Variants in IL3 observed in about 807,000 individuals in gnomAD.
IL3 encodes the protein interleukin 3, also known as interleukin-3.
A neutral mutation model predicts 15.4 loss-of-function variants in IL3; 15 were observed. The observed-to-expected ratio is 0.97, with a 90% CI of 0.65 to 1.50. The LOEUF is 1.50. Among genes scored for constraint, IL3 ranks in the 40% most tolerant of loss-of-function variants. The pLI, the probability that IL3 is intolerant of heterozygous loss-of-function variation, is 0.00. For missense variants in IL3, 162 were observed against 192.2 expected, an observed-to-expected ratio of 0.84 and a Z score of 0.93; for synonymous variants, 74 against 79.3, an observed-to-expected ratio of 0.93 and a Z score of 0.36.
At chr5:132,061,140 T>C in intron 2 of IL3, 132 bp downstream of exon 2, 3 of 779,478 alleles carry the variant, frequency 3.8e-6, no homozygotes, top group Non-Finnish European at 4.2e-6. Context: ...GTGGGATTGT[T>C]ATGACAATCA....
Position 132,061,799 on chromosome 5 carries a change from C to T in IL3, c.205-513C>T, listed in dbSNP as rs1462321164. ...TTTTTTTTTTTTGAGACAAGAGTCT[C>T]ACTCTGTTGCCCAGGCTGGAGTGCA... On this transcript the variant is annotated intron_variant, in intron 2 of 4. Coordinates refer to ENST00000296870, the MANE Select transcript of IL3 (RefSeq NM_000588.4). Among the ~76,000 whole-genome samples, 6 of 142,428 alleles carry T rather than the reference C, an allele frequency of 4.2e-5. No homozygotes were observed. In the East Asian group the frequency reaches 1.3e-3, roughly 30 times the overall value. The allele number at this position is 142,428 out of a possible 152,430, so 93.4% of individuals were successfully genotyped here.
Position 132,062,555 on chromosome 5 carries a change from G to A in IL3, c.324G>A (p.Thr108=), listed in dbSNP as rs146898761. ...KNLLPCLPLA[T]AAPTRHPIHI... Reference sequence around the variant, plus strand: ...TCCTGCCATGTCTGCCCCTGGCCACGGCCGCACCCACGGTAAGCTGTCCCC... The same window carrying A: ...TCCTGCCATGTCTGCCCCTGGCCACAGCCGCACCCACGGTAAGCTGTCCCC... The change falls in exon 4 of 5, where the codon ACG becomes ACA. Residue 108 remains threonine, a synonymous_variant. Coordinates refer to ENST00000296870, the MANE Select transcript of IL3 (RefSeq NM_000588.4). The A allele has an allele frequency of 1.0e-4, 161 of 1,614,064 alleles. No individual in the cohort carries two copies. In the African/African-American group the frequency reaches 1.5e-3, roughly 15 times the overall value.
rs565642188 is a variant in IL3, at chr5:132,060,783, C to T, written c.77C>T (p.Thr26Met). The T allele has an allele frequency of 1.9e-5, 30 of 1,614,210 alleles. No homozygotes were observed. The highest frequency in any genetic ancestry group is 5.5e-5 in the South Asian group (5 of 91,084). The change falls in exon 1 of 5, where the codon ACG becomes ATG. Residue 26 changes from threonine (T) to methionine (M), a missense_variant. Coordinates refer to ENST00000296870, the MANE Select transcript of IL3 (RefSeq NM_000588.4). Reference protein sequence around the residue: ...PGLQAPMTQTTPLKTSWVNCS... With the variant: ...PGLQAPMTQTMPLKTSWVNCS... ...CTCCAAGCTCCCATGACCCAGACAA[C>T]GCCCTTGAAGACAAGCTGGGTTAAC...
At position 132,062,324 on chromosome 5, in the gene IL3, C is replaced by A; in HGVS notation, c.217C>A (p.Arg73=). The part of the protein sequence containing the change: ...DQDILMENNL[R]RPNLEAFNRA... ...TCTGCCCCGTTAGGAAAATAACCTT[C>A]GAAGGCCAAACCTGGAGGCATTCAA... Residue 73 remains arginine (R), a synonymous_variant, in exon 3 of 5, where the codon CGA becomes AGA. Coordinates refer to ENST00000296870, the MANE Select transcript of IL3 (RefSeq NM_000588.4). The A allele has an allele frequency of 6.2e-7, 1 of 1,613,590 alleles. No homozygotes were observed. The highest frequency in any genetic ancestry group is 8.5e-7 in the Non-Finnish European group (1 of 1,179,446).
In IL3 at chr5:132,062,922, C is replaced by A. The variant is rs565107713; in HGVS notation, c.*131C>A. On this transcript the variant is annotated 3_prime_UTR_variant, in exon 5 of 5. Transcript: ENST00000296870. Reference sequence around the variant, plus strand: ...ACCAGAAGCATTTCACCTTTTCCTGCGGCATCAGATGAATTGTTAATTATC... The same window carrying A: ...ACCAGAAGCATTTCACCTTTTCCTGAGGCATCAGATGAATTGTTAATTATC... 2 of 1,224,564 alleles carry A rather than the reference C, an allele frequency of 1.6e-6. No homozygotes were observed. The highest frequency in any genetic ancestry group is 1.1e-6 in the Non-Finnish European group (1 of 898,048). The allele number at this position is 1,224,564 out of a possible 1,614,324, so 75.9% of individuals were successfully genotyped here. A position where few individuals can be genotyped will look rare whatever the true frequency, so the allele number is the denominator to read the frequency against.
chr5:132,062,237 G>A, intron 2 of IL3, 75 bp from the exon 3 acceptor site: 1 of 1,187,760 alleles, frequency 8.4e-7, no homozygotes, highest in Non-Finnish European at 1.3e-6. Context: ...GGAAACTGTG[G>A]GGGTGACTTC....
chr5:132,062,240 G>T, intron 2 of IL3, 72 bp from the exon 3 acceptor site: 1 of 1,222,810 alleles, frequency 8.2e-7, no homozygotes, highest in Non-Finnish European at 1.2e-6. Context: ...AACTGTGGGG[G>T]TGACTTCCAC....
Position 132,062,940 on chromosome 5 carries a change from T to G in IL3, c.*149T>G. 9.4e-7 allele frequency: 1 copy of G among 1,061,460 alleles called. No individual in the cohort carries two copies. The highest frequency in any genetic ancestry group is 1.3e-6 in the Non-Finnish European group (1 of 758,480). The allele number at this position is 1,061,460 out of a possible 1,614,324, so 65.8% of individuals were successfully genotyped here. On this transcript the variant is annotated 3_prime_UTR_variant, in exon 5 of 5. Transcript: ENST00000296870. ...TTTCCTGCGGCATCAGATGAATTGT[T>G]AATTATCTAATTTCTGAAATGTGCA...
rs543395523 is a variant in IL3, at chr5:132,062,284, C to G, written c.205-28C>G. 3.1e-5 allele frequency: 48 copies of G among 1,549,960 alleles called. No homozygotes were observed. In the South Asian group the frequency reaches 5.3e-4, roughly 17 times the overall value. ...GGGAGGGATACTCTGTAACCTTTCC[C>G]CCTTAAGTGTATTCTCTGCCCCGTT... On this transcript the variant is annotated intron_variant, in intron 2 of 4. Coordinates refer to ENST00000296870, the MANE Select transcript of IL3 (RefSeq NM_000588.4).
chr5:132,061,192 A>G (rs2127006082), intron 2 of IL3, among the ~76,000 whole-genome samples, 184 bp downstream of exon 2: 1 of 152,384 alleles, frequency 6.6e-6, no homozygotes, highest in Non-Finnish European at 1.5e-5. Context: ...TCTGGCACTT[A>G]AGAGTTCAAT....
rs1370310375 is a variant in IL3, at chr5:132,060,701, C to A, written c.-6C>A. Reference sequence around the variant, plus strand: ...ACAAGACAGAGTGCCTCCTGCCGATCCAAACATGAGCCGCCTGCCCGTCCT... The same window carrying A: ...ACAAGACAGAGTGCCTCCTGCCGATACAAACATGAGCCGCCTGCCCGTCCT... On this transcript the variant is annotated 5_prime_UTR_variant, in exon 1 of 5. Transcript: ENST00000296870. 6.2e-7 allele frequency: 1 copy of A among 1,612,572 alleles called. No homozygotes were observed. The highest frequency in any genetic ancestry group is 2.2e-5 in the East Asian group (1 of 44,890).
chr5:132,062,185 G>A, intron 2 of IL3, 127 bp from the exon 3 acceptor site: 1 of 790,040 alleles, frequency 1.3e-6, no homozygotes, highest in Non-Finnish European at 2.2e-6. Context: ...GGCAAGAACG[G>A]GACTAGGAGG....
Position 132,060,834 on chromosome 5 carries a change from T to C in IL3, c.128T>C (p.Ile43Thr). The C allele has an allele frequency of 6.2e-7, 1 of 1,614,230 alleles. No homozygotes were observed. Among genetic ancestry groups the C allele is most frequent in the Non-Finnish European group, 8.5e-7 (1 of 1,180,028 alleles). Residue 43 changes from isoleucine to threonine, a missense_variant, in exon 1 of 5, where the codon ATA becomes ACA. Physicochemically the swap from Ile to Thr is moderately conservative, Grantham distance 89 (BLOSUM62 -1). Transcript: ENST00000296870. Reference sequence around the variant, plus strand: ...TGCTCTAACATGATCGATGAAATTATAACACACTTAAAGCAGCCACCTTTG... The same window carrying C: ...TGCTCTAACATGATCGATGAAATTACAACACACTTAAAGCAGCCACCTTTG... ...VNCSNMIDEI[I>T]THLKQPPLPL...
rs373333851 is a variant in IL3, at chr5:132,060,721, C to T, written c.15C>T (p.Pro5=). ...CCGATCCAAACATGAGCCGCCTGCC[C>T]GTCCTGCTCCTGCTCCAACTCCTGG... is the stretch of plus-strand genomic sequence containing the variant. MSRL[P]VLLLLQLLVR... is the part of the protein sequence containing the mutation. The change falls in exon 1 of 5, where the codon CCC becomes CCT. Residue 5 remains proline, a synonymous_variant. Transcript: ENST00000296870. The T allele has an allele frequency of 6.8e-5, 110 of 1,613,186 alleles. No homozygotes were observed. The highest frequency in any genetic ancestry group is 3.7e-4 in the Middle Eastern group (2 of 5,378).
chr5:132,062,855 A>T lies in IL3; in HGVS notation c.*64A>T. 6.4e-7 allele frequency: 1 copy of T among 1,556,444 alleles called. No homozygotes were observed. Among genetic ancestry groups the T allele is most frequent in the Non-Finnish European group, 8.7e-7 (1 of 1,151,986 alleles). On this transcript the variant is annotated 3_prime_UTR_variant, in exon 5 of 5. Transcript: ENST00000296870. Reference sequence around the variant, plus strand: ...AGAGCCTCGGGACATCAAAAACAGCAGAACTTCTGAAACCTCTGGGTCATC... The same window carrying T: ...AGAGCCTCGGGACATCAAAAACAGCTGAACTTCTGAAACCTCTGGGTCATC...
At chr5:132,062,092 G>A (rs1756490081) in intron 2 of IL3, among the ~76,000 whole-genome samples, 1 of 152,188 alleles carries the variant, frequency 6.6e-6, no homozygotes, top group South Asian at 2.1e-4. Flanking sequence ...CTCAAATGGA[G>A]CCAGAGACTG....
At position 132,063,105 on chromosome 5, in the gene IL3, T is replaced by C. The variant is rs141624920; in HGVS notation, c.*314T>C. On this transcript the variant is annotated 3_prime_UTR_variant, in exon 5 of 5. Coordinates refer to ENST00000296870, the MANE Select transcript of IL3 (RefSeq NM_000588.4). ...AGCAGAGGAGCCATGTCCTGCTGCT[T>C]CTGCAAAAAACTCAGAGTGGGGTGG... 26 of 246,976 alleles carry C rather than the reference T, an allele frequency of 1.1e-4. No individual in the cohort carries two copies. Among genetic ancestry groups the C allele is most frequent in the South Asian group, 3.8e-4 (5 of 13,128 alleles). 15.3% of individuals were successfully genotyped at this position (246,976 alleles called of 1,614,324 possible). A position where few individuals can be genotyped will look rare whatever the true frequency, so the allele number is the denominator to read the frequency against.
Position 132,063,169 on chromosome 5 carries a change from C to G in IL3, c.*378C>G, listed in dbSNP as rs1424264804. The G allele has an allele frequency of 5.3e-6, 1 of 190,294 alleles. No homozygotes were observed. Among genetic ancestry groups the G allele is most frequent in the Admixed American group, 5.4e-5 (1 of 18,494 alleles). The allele number at this position is 190,294 out of a possible 1,614,324, so 11.8% of individuals were successfully genotyped here. On this transcript the variant is annotated 3_prime_UTR_variant, in exon 5 of 5. Coordinates refer to ENST00000296870, the MANE Select transcript of IL3 (RefSeq NM_000588.4). Reference sequence around the variant, plus strand: ...TTGTACCTCGAGTTTTAAACTGGTTCCTAGGGATGTGTGAGAATAAACTAG... The same window carrying G: ...TTGTACCTCGAGTTTTAAACTGGTTGCTAGGGATGTGTGAGAATAAACTAG...
chr5:132,062,253 G>A, intron 2 of IL3, 59 bp from the exon 3 acceptor site: 4 of 1,360,296 alleles, frequency 2.9e-6, no homozygotes, highest in South Asian at 1.2e-5. Context: ...ACTTCCACCT[G>A]CTTGTGGGAG....
Sources: gnomAD v4.1 joint callset for allele counts (sites outside exome capture counted in the v4.1 genomes callset) on GRCh38, gnomAD v4.1.1 for gene constraint, MANE v1.5 for transcripts, NCBI Gene and HGNC (gene_info 2026-07-23, HGNC 2026-07-21) for gene names.